GPC6: variants seen among roughly 807,000 people sequenced by gnomAD.
The protein encoded by GPC6 is glypican 6.
In GPC6, 14 loss-of-function variants were observed where a neutral mutation model predicts 55.2. The ratio of observed to expected loss-of-function variants is 0.25; its 90% CI spans 0.17 to 0.40. GPC6 has a LOEUF of 0.40. Among genes scored for constraint, GPC6 ranks in the 10% least tolerant of loss-of-function variants. The pLI is 1.00. For missense variants in GPC6, 641 were observed against 708.5 expected (o/e 0.90, Z 1.08); for synonymous variants, 278 against 259.6 (o/e 1.07, Z -0.68).
At chr13:93,989,507 T>TTCACAGTGACTTTCTAGA in intron 3 of GPC6, among the ~76,000 whole-genome samples, 1 of 152,288 alleles carries the variant, frequency 6.6e-6, no homozygotes, top group Non-Finnish European at 1.5e-5. Flanking sequence ...GCCTCAGCCA[T>TTCACAGTGACTTTCTAGA]TCACAGTGAC....
chr13:94,361,419 G>A (rs1050038262), intron 6 of GPC6, among the ~76,000 whole-genome samples: 8 of 152,176 alleles, frequency 5.3e-5, no homozygotes, highest in South Asian at 2.1e-4. Context: ...TACAAATTAC[G>A]TAGCTGATCC....
At chr13:93,890,135 C>A (rs550801321) in intron 3 of GPC6, among the ~76,000 whole-genome samples, 1 of 152,206 alleles carries the variant, frequency 6.6e-6, no homozygotes, top group East Asian at 1.9e-4. Flanking sequence ...TCTGAAGATT[C>A]CAGAGGCTGT....
At chr13:93,496,558 A>G (rs1039290488) in intron 1 of GPC6, among the ~76,000 whole-genome samples, 10 of 152,162 alleles carry the variant, frequency 6.6e-5, no homozygotes, top group Admixed American at 2.0e-4. Flanking sequence ...TTTCTTAACA[A>G]AACTTAACTA....
At chr13:94,163,285 T>C (rs1344852815) in intron 4 of GPC6, among the ~76,000 whole-genome samples, 1 of 152,154 alleles carries the variant, frequency 6.6e-6, no homozygotes, top group African/African-American at 2.4e-5. Context: ...GATAATTATC[T>C]ACAGTCGTGC....
At chr13:93,740,288 G>T (rs1430889245) in intron 2 of GPC6, among the ~76,000 whole-genome samples, 2 of 151,814 alleles carry the variant, frequency 1.3e-5, no homozygotes, top group African/African-American at 4.8e-5. Flanking sequence ...GTAAAATGAT[G>T]CCAGATTAGA....
At position 93,455,078 on chromosome 13, in the gene GPC6, G is replaced by C. The variant is rs978906842; in HGVS notation, c.161-90185G>C. Among the ~76,000 whole-genome samples the C allele has an allele frequency of 6.6e-5, 10 of 152,176 alleles. 1 individual carries two copies. Among genetic ancestry groups the C allele is most frequent in the Admixed American group, 3.9e-4 (6 of 15,292 alleles). On this transcript the variant is annotated intron_variant, in intron 1 of 8. Coordinates refer to ENST00000377047, the MANE Select transcript of GPC6 (RefSeq NM_005708.5). ...GCCGGCAGGGCCGGCCGGCTGCTCC[G>C]AGTGCAGGGCCCGCCAAGCCCACGC...
At chr13:94,031,790 A>G (rs929633347) in intron 4 of GPC6, among the ~76,000 whole-genome samples, 1 of 152,230 alleles carries the variant, frequency 6.6e-6, no homozygotes, top group South Asian at 2.1e-4. Flanking sequence ...CATTGTTATC[A>G]ACGCTCCATA....
At chr13:94,369,594 A>G (rs1277828194) in intron 6 of GPC6, among the ~76,000 whole-genome samples, 5 of 152,162 alleles carry the variant, frequency 3.3e-5, no homozygotes, top group African/African-American at 1.2e-4. Context: ...TCCATTTTTA[A>G]TTAATTTCTC....
intron 6 of GPC6, among the ~76,000 whole-genome samples, chr13:94,374,460 G>C (rs1879740519): frequency 6.8e-6 from 1 of 146,560 alleles, no homozygotes; most frequent in Admixed American, 6.8e-5. Context: ...GATCAAAAGA[G>C]ACAAGGCCAT....
chr13:94,037,095 T>C (rs1352506503), intron 4 of GPC6, among the ~76,000 whole-genome samples: 1 of 151,974 alleles, frequency 6.6e-6, no homozygotes, highest in Non-Finnish European at 1.5e-5. Context: ...TCATCAATAG[T>C]CCTAAGAGGA....
At chr13:94,227,555 A>C (rs1361454027) in intron 4 of GPC6, among the ~76,000 whole-genome samples, 2 of 152,270 alleles carry the variant, frequency 1.3e-5, no homozygotes, top group East Asian at 3.9e-4. Flanking sequence ...TCAAGAAATA[A>C]TTATTACTGT....
chr13:93,804,499 G>T (rs989292743), intron 2 of GPC6, among the ~76,000 whole-genome samples: 26 of 152,106 alleles, frequency 1.7e-4, no homozygotes, highest in Non-Finnish European at 3.4e-4. Context: ...GCCACCTCCA[G>T]AACATTTTAA....
chr13:93,619,452 G>A (rs893203169), intron 2 of GPC6, among the ~76,000 whole-genome samples: 15 of 151,960 alleles, frequency 9.9e-5, no homozygotes, highest in African/African-American at 3.6e-4. Context: ...CTTTTTTGTT[G>A]TTGTTCTGTT....
At chr13:93,450,268 G>A (rs1160300801) in intron 1 of GPC6, among the ~76,000 whole-genome samples, 2 of 152,148 alleles carry the variant, frequency 1.3e-5, no homozygotes, top group Non-Finnish European at 2.9e-5. Flanking sequence ...ACAATTCCAG[G>A]GAGGACACTA....
chr13:93,520,158 G>A (rs1176393466), intron 1 of GPC6, among the ~76,000 whole-genome samples: 1 of 151,934 alleles, frequency 6.6e-6, no homozygotes, highest in Admixed American at 6.6e-5. Context: ...ATTTGCAGCT[G>A]TTAGAAGCAA....
intron 1 of GPC6, among the ~76,000 whole-genome samples, chr13:93,294,510 G>A (rs909110045): frequency 1.2e-4 from 19 of 152,058 alleles, no homozygotes; most frequent in Non-Finnish European, 4.4e-5. Flanking sequence ...AGTTGATTTG[G>A]TGCCTGTGTA....
chr13:93,436,396 T>C (rs1877575115), intron 1 of GPC6, among the ~76,000 whole-genome samples: 2 of 152,168 alleles, frequency 1.3e-5, no homozygotes, highest in Non-Finnish European at 2.9e-5. Context: ...TTGTGTACCA[T>C]CCCAGCACCA....
At chr13:93,521,295 C>A (rs1017128026) in intron 1 of GPC6, among the ~76,000 whole-genome samples, 3 of 151,310 alleles carry the variant, frequency 2.0e-5, no homozygotes, top group Admixed American at 6.6e-5. Flanking sequence ...GATTTATTTT[C>A]TTTTCTTTTC....
Position 94,404,548 on chromosome 13 carries a change from T to C in GPC6, c.*1331T>C, listed in dbSNP as rs1881289985. On this transcript the variant is annotated 3_prime_UTR_variant, in exon 9 of 9. Coordinates refer to ENST00000377047, the MANE Select transcript of GPC6 (RefSeq NM_005708.5). ...CCAAGAATCAAGAAAGAGAACTTTT[T>C]ATGTATCTAACTGTCCATTTATTAA... The C allele has an allele frequency of 6.6e-6, 1 of 152,216 alleles. No individual in the cohort carries two copies. Among genetic ancestry groups the C allele is most frequent in the African/African-American group, 2.4e-5 (1 of 41,450 alleles). The allele number at this position is 152,216 out of a possible 1,614,324, so 9.4% of individuals were successfully genotyped here.
Sources: gnomAD v4.1 joint callset for allele counts (sites outside exome capture counted in the v4.1 genomes callset) on GRCh38, gnomAD v4.1.1 for gene constraint, MANE v1.5 for transcripts, NCBI Gene and HGNC (gene_info 2026-07-23, HGNC 2026-07-21) for gene names.